Variants in IBTK observed in about 807,000 individuals in gnomAD.
The protein encoded by IBTK is BTK-binding protein.
A neutral mutation model predicts 154.9 loss-of-function variants in IBTK; 83 were observed. That is an observed-to-expected ratio of 0.54 (90% CI 0.45 to 0.64). The LOEUF is 0.64. IBTK is among the 30% of genes least tolerant of loss of function. IBTK has a pLI of 0.00. For synonymous variants in IBTK, 515 were observed against 536.1 expected (o/e 0.96, Z 0.54); for missense variants, 1,332 against 1,584.6 (o/e 0.84, Z 2.71).
chr6:82,222,153 G>A (rs1466727374), intron 8 of IBTK, among the ~76,000 whole-genome samples: 6 of 141,150 alleles, frequency 4.3e-5, no homozygotes, highest in Admixed American at 2.9e-4. Context: ...CTGGGCAACA[G>A]AGCAAGACAA....
intron 18 of IBTK, among the ~76,000 whole-genome samples, chr6:82,202,158 G>T (rs748895645): frequency 6.6e-6 from 1 of 152,124 alleles, no homozygotes; most frequent in Non-Finnish European, 1.5e-5. Context: ...CATTACTACT[G>T]AAGTAAAATA....
chr6:82,223,720 AG>A (rs1770185235), intron 7 of IBTK, 100 bp from the exon 8 acceptor site: 1 of 998,018 alleles, frequency 1.0e-6, no homozygotes, highest in African/African-American at 1.6e-5. Context: ...GCACTTGGGG[AG>A]GCCAAGGTGG....
chr6:82,208,122 C>CAA (rs531941941), intron 16 of IBTK, among the ~76,000 whole-genome samples: 4 of 106,142 alleles, frequency 3.8e-5, no homozygotes, highest in Admixed American at 9.5e-5. Context: ...ACTCTCACCA[C>CAA]AAAAAAAAAA....
chr6:82,244,501 G>A (rs1771070646), intron 1 of IBTK, among the ~76,000 whole-genome samples: 1 of 152,020 alleles, frequency 6.6e-6, no homozygotes, highest in African/African-American at 2.4e-5. Context: ...TTCTTCCTAG[G>A]GCATTATCGC....
chr6:82,200,041 C>T, intron 21 of IBTK, 100 bp downstream of exon 21: 1 of 752,944 alleles, frequency 1.3e-6, no homozygotes, highest in Non-Finnish European at 2.2e-6. Context: ...CTTTTGGTAC[C>T]TCCATAAGGA....
In IBTK at chr6:82,240,239, T is replaced by C. The variant is rs1770888727; in HGVS notation, c.248A>G (p.Lys83Arg). The C allele has an allele frequency of 1.2e-6, 2 of 1,614,120 alleles. No homozygotes were observed. Among genetic ancestry groups the C allele is most frequent in the Admixed American group, 1.7e-5 (1 of 60,006 alleles). ...GTGCAATGCTGTCCATCCAGACTCTTTGTCTTTCACCAACAGATCCACTCC... is the reference window on the plus strand; with the variant it reads ...GTGCAATGCTGTCCATCCAGACTCTCTGTCTTTCACCAACAGATCCACTCC... ...QKGVDLLVKD[K>R]ESGWTALHRS... Residue 83 changes from lysine (K) to arginine (R), a missense_variant, in exon 2 of 29, where the codon AAA (lysine) becomes AGA (arginine). Lys to Arg is a conservative substitution (Grantham distance 26, BLOSUM62 2). Around this residue, in one of 3 missense-constraint regions of IBTK, gnomAD observed 84 missense variants for 96.2 expected, o/e 0.87. Transcript: ENST00000306270.
At chr6:82,224,570 G>T (rs1372234504) in intron 6 of IBTK, among the ~76,000 whole-genome samples, 1 of 152,182 alleles carries the variant, frequency 6.6e-6, no homozygotes, top group African/African-American at 2.4e-5. Context: ...TGGCATTATT[G>T]ACATTTTGGG....
rs1372188653 is a variant in IBTK, at chr6:82,223,514, T to A, written c.1050A>T (p.Gly350=). 4.3e-6 allele frequency: 7 copies of A among 1,614,098 alleles called. No homozygotes were observed. Among genetic ancestry groups the A allele is most frequent in the Non-Finnish European group, 5.9e-6 (7 of 1,179,956 alleles). Residue 350 remains glycine (G), a synonymous_variant, in exon 8 of 29, where the codon GGA becomes GGT. Transcript: ENST00000306270. The part of the protein sequence containing the change: ...IALSLVAASD[G]ATVCVTTRGD... Reference sequence around the variant, plus strand: ...CCCTTGTGGTAACACAGACTGTAGCTCCATCACTTGCAGCAACCAAAGACA... The same window carrying A: ...CCCTTGTGGTAACACAGACTGTAGCACCATCACTTGCAGCAACCAAAGACA...
At chr6:82,230,196 A>G (rs775486967) in intron 4 of IBTK, among the ~76,000 whole-genome samples, 2 of 152,204 alleles carry the variant, frequency 1.3e-5, no homozygotes, top group Non-Finnish European at 1.5e-5. Flanking sequence ...TATAAATAAT[A>G]GGTGAAAGTT....
rs753379174 is a variant in IBTK at position 82,209,709 on chromosome 6, T to C, written c.2509+1105A>G. Among the ~76,000 whole-genome samples the C allele has an allele frequency of 7.6e-4, 115 of 152,214 alleles. 1 individual carries two copies. Among genetic ancestry groups the C allele is most frequent in the South Asian group, 1.0e-3 (5 of 4,834 alleles). ...TTGTATGCTTTAAAAGTATAAGTTT[T>C]ATCATGCAAATAATTTCTCGATTTT... On this transcript the variant is annotated intron_variant, in intron 16 of 28. Coordinates refer to ENST00000306270, the MANE Select transcript of IBTK (RefSeq NM_015525.4).
chr6:82,237,940 C>CA (rs933063769), intron 2 of IBTK, among the ~76,000 whole-genome samples: 25 of 151,588 alleles, frequency 1.6e-4, no homozygotes, highest in African/African-American at 4.4e-4. Flanking sequence ...AATCCCTATA[C>CA]AAAAAAAATT....
rs759848794 is a variant in IBTK, at chr6:82,214,816, G to A, written c.1615C>T (p.Pro539Ser). Reference protein sequence around the residue: ...SDPKTSLYEIPAVSSSSFFEE... With the variant: ...SDPKTSLYEISAVSSSSFFEE... ...AAAAAGGATGATGAGGACACAGCTGGAATTTCATAAAGGCTAGAAAGAAGA... is the reference window on the plus strand; with the variant it reads ...AAAAAGGATGATGAGGACACAGCTGAAATTTCATAAAGGCTAGAAAGAAGA... Residue 539 changes from proline (P) to serine (S), a missense_variant, in exon 12 of 29, where the codon CCA (proline) becomes TCA (serine). By Grantham distance (74) the Pro-to-Ser change is moderately conservative. This residue lies in a region of IBTK where 1,134 missense variants were observed against 1,274.7 expected (regional missense o/e 0.89). Coordinates refer to ENST00000306270, the MANE Select transcript of IBTK (RefSeq NM_015525.4). 3 of 1,576,648 alleles carry A rather than the reference G, an allele frequency of 1.9e-6. No homozygotes were observed. Among genetic ancestry groups the A allele is most frequent in the Non-Finnish European group, 1.7e-6 (2 of 1,162,208 alleles).
chr6:82,202,515 G>T lies in IBTK; in HGVS notation c.2729+13C>A. Reference sequence around the variant, plus strand: ...CTTTTGCAACAATCTTACAACATATGCACCTCACCTACCTTGCTTCAAGTA... The same window carrying T: ...CTTTTGCAACAATCTTACAACATATTCACCTCACCTACCTTGCTTCAAGTA... On this transcript the variant is annotated intron_variant, in intron 18 of 28. Transcript: ENST00000306270. 2 of 1,337,306 alleles carry T rather than the reference G, an allele frequency of 1.5e-6. No homozygotes were observed. Among genetic ancestry groups the T allele is most frequent in the Non-Finnish European group, 2.1e-6 (2 of 931,512 alleles). 82.8% of individuals were successfully genotyped at this position (1,337,306 alleles called of 1,614,324 possible).
rs543091358 is a variant in IBTK, at chr6:82,202,703, T to C, written c.2612-58A>G. On this transcript the variant is annotated intron_variant, in intron 17 of 28. Coordinates refer to ENST00000306270, the MANE Select transcript of IBTK (RefSeq NM_015525.4). ...TAAAAGGCACATTACCACAGCAAAA[T>C]AAAATACATTTATGTCTAAAGCTGT... 7.7e-5 allele frequency: 66 copies of C among 857,768 alleles called. 1 individual carries two copies. The African/African-American group carries it at 1.1e-3, about 14-fold the overall frequency. 53.1% of individuals were successfully genotyped at this position (857,768 alleles called of 1,614,324 possible).
At chr6:82,182,107 G>C in intron 25 of IBTK, 79 bp from the exon 26 acceptor site, 3 of 1,377,008 alleles carry the variant, frequency 2.2e-6, no homozygotes, top group Non-Finnish European at 3.0e-6. Context: ...AGAACAATAA[G>C]AACGTATACC....
At chr6:82,196,247 T>A in intron 22 of IBTK, 51 bp downstream of exon 22, 3 of 1,387,938 alleles carry the variant, frequency 2.2e-6, no homozygotes, top group Non-Finnish European at 2.9e-6. Context: ...AGATAAACCA[T>A]CTATAAATCT....
chr6:82,200,017 A>G, intron 21 of IBTK, 124 bp downstream of exon 21: 1 of 648,552 alleles, frequency 1.5e-6, no homozygotes, highest in East Asian at 2.6e-5. Flanking sequence ...TGGAGTACTT[A>G]CAATAAACTA....
At chr6:82,214,870 G>A (rs780729576) in intron 11 of IBTK, 41 bp from the exon 12 acceptor site, 2 of 1,508,732 alleles carry the variant, frequency 1.3e-6, no homozygotes, top group Non-Finnish European at 1.8e-6. Context: ...CAAAAAATAT[G>A]AAGGAAATCC....
At chr6:82,208,073 C>T (rs993173008) in intron 16 of IBTK, among the ~76,000 whole-genome samples, 8 of 150,246 alleles carry the variant, frequency 5.3e-5, no homozygotes, top group Non-Finnish European at 1.2e-4. Flanking sequence ...TAATAATGTA[C>T]TGCATACTTG....
Sources: gnomAD v4.1 joint callset for allele counts (sites outside exome capture counted in the v4.1 genomes callset) on GRCh38, gnomAD v4.1.1 for gene constraint, gnomAD v4.1.1 regional missense constraint, MANE v1.5 for transcripts, NCBI Gene and HGNC (gene_info 2026-07-23, HGNC 2026-07-21) for gene names.